C17orf99: variants seen among roughly 807,000 people sequenced by gnomAD.
The protein encoded by C17orf99 is protein IL-40.
C17orf99 carries 18 observed loss-of-function variants against 22.6 expected under a neutral mutation model. The observed-to-expected ratio is 0.80, with a 90% CI of 0.55 to 1.18. The LOEUF (loss-of-function observed/expected upper bound fraction) is 1.18. Among genes scored for constraint, C17orf99 ranks in the 50% most tolerant of loss-of-function variants. The pLI, the probability that C17orf99 is intolerant of heterozygous loss-of-function variation, is 0.00. For synonymous variants in C17orf99, 147 were observed against 136.6 expected, an observed-to-expected ratio of 1.08 and a Z score of -0.53; for missense variants, 328 against 342.7, an observed-to-expected ratio of 0.96 and a Z score of 0.34.
Position 78,166,161 on chromosome 17 carries a change from A to C in C17orf99, c.*115A>C. On this transcript the variant is annotated 3_prime_UTR_variant, in exon 5 of 5. Coordinates refer to ENST00000340363, the MANE Select transcript of C17orf99 (RefSeq NM_001163075.2). ...GTTTTAGCTGCTCTTGCCACAAAAA[A>C]AAAAAAAAAAAAAAAAGGGTAACTA... 2.8e-6 allele frequency: 1 copy of C among 358,058 alleles called. No individual in the cohort carries two copies. 22.2% of individuals were successfully genotyped at this position (358,058 alleles called of 1,614,324 possible).
Position 78,164,991 on chromosome 17 carries a change from C to G in C17orf99, c.640+627C>G, listed in dbSNP as rs1362926490. The G allele has an allele frequency of 2.7e-6, 3 of 1,100,518 alleles. No individual in the cohort carries two copies. The African/African-American group carries it at 5.1e-5, about 19-fold the overall frequency. The allele number at this position is 1,100,518 out of a possible 1,614,324, so 68.2% of individuals were successfully genotyped here. ...CTGAGCAGGGATTGCAGGGATGATG[C>G]CTCCAGGAGACCAAGGTGGACCAGG... On this transcript the variant is annotated intron_variant, in intron 4 of 4. Coordinates refer to ENST00000340363, the MANE Select transcript of C17orf99 (RefSeq NM_001163075.2).
intron 2 of C17orf99, chr17:78,158,213 G>A (rs754977374): frequency 6.2e-6 from 4 of 647,820 alleles, no homozygotes; most frequent in East Asian, 3.7e-5. Context: ...GGTGGCGGTG[G>A]TGGCAGCAGT....
At chr17:78,160,032 T>C (rs1013200186) in intron 2 of C17orf99, 2 of 455,886 alleles carry the variant, frequency 4.4e-6, no homozygotes, top group African/African-American at 2.0e-5. Flanking sequence ...TGAGCGTGTG[T>C]GTACAGGTAT....
chr17:78,146,482 G>A lies in C17orf99; in HGVS notation c.37+38G>A. 1 of 1,542,546 alleles carries A rather than the reference G, an allele frequency of 6.5e-7. No individual in the cohort carries two copies. Among genetic ancestry groups the A allele is most frequent in the Non-Finnish European group, 8.8e-7 (1 of 1,141,720 alleles). On this transcript the variant is annotated intron_variant, in intron 1 of 4. Transcript: ENST00000340363. The surrounding 1 kb of genome is among the most constrained non-coding windows in gnomAD (Gnocchi z 5.2). ...GGGACGTGATGGTGGGGCTGCTGCT[G>A]GGGCCTTGAGGTCTTGGGCTCAGGT...
upstream of C17orf99, chr17:78,146,329 C>A: frequency 7.3e-7 from 1 of 1,379,282 alleles, no homozygotes; most frequent in Non-Finnish European, 1.0e-6. This position sits in a 1 kb window ranked among gnomAD's most constrained non-coding sequence, Gnocchi z 5.2. Context: ...CAGGGAGCAT[C>A]CCAGGGGCCT....
intron 4 of C17orf99, chr17:78,165,402 G>A (rs2075610118): frequency 2.7e-5 from 27 of 985,402 alleles, no homozygotes; most frequent in Non-Finnish European, 3.1e-5. Context: ...TCACCTCGCC[G>A]AGCCTCAGTT....
At chr17:78,149,654 C>T (rs1442662088) in intron 2 of C17orf99, among the ~76,000 whole-genome samples, 2 of 152,172 alleles carry the variant, frequency 1.3e-5, no homozygotes, top group Non-Finnish European at 2.9e-5. Context: ...CTGCCCCAGC[C>T]TCCCAAGTAC....
In C17orf99 at chr17:78,147,254, CT is replaced by C. The variant is rs559842377; in HGVS notation, c.70+344del. On this transcript the variant is annotated intron_variant, in intron 2 of 4. Coordinates refer to ENST00000340363, the MANE Select transcript of C17orf99 (RefSeq NM_001163075.2). ...CCCTGATCGGGAGCAGAAGCCCCCC[CT>C]GAGACCCTCACAGCTCTGCCCGGTG... is the stretch of plus-strand genomic sequence containing the variant. Among the ~76,000 whole-genome samples, 493 of 152,336 alleles carry C rather than the reference CT, an allele frequency of 3.2e-3. 4 individuals are homozygous for C. The highest frequency in any genetic ancestry group is 0.011 in the African/African-American group (456 of 41,580).
chr17:78,155,487 C>A (rs72896293), intron 2 of C17orf99, among the ~76,000 whole-genome samples: 26,211 of 151,768 alleles, frequency 0.17, 2,744 homozygotes, highest in Non-Finnish European at 0.23. Context: ...TTTAATTTTT[C>A]TTTCGATTAA....
At chr17:78,157,768 G>A in intron 2 of C17orf99, 1 of 573,046 alleles carries the variant, frequency 1.7e-6, no homozygotes, top group Non-Finnish European at 2.8e-6. Flanking sequence ...CTGCACTCCA[G>A]CCTGGGCGAC....
rs1322599279 is a variant in C17orf99 at position 78,164,242 on chromosome 17, G to A, written c.518G>A (p.Arg173Lys). The change falls in exon 4 of 5, where the codon AGA becomes AAA. Residue 173 changes from arginine (R) to lysine (K), a missense_variant. By Grantham distance (26) the Arg-to-Lys change is conservative. Transcript: ENST00000340363. ...GKDGQVHLQQ[R>K]PCHRQPANFS... ...GATGGGCAGGTCCACCTGCAGCAGAGACCATGCCACAGGCAGCCTGCCAAC... is the reference window on the plus strand; with the variant it reads ...GATGGGCAGGTCCACCTGCAGCAGAAACCATGCCACAGGCAGCCTGCCAAC... The A allele has an allele frequency of 1.5e-5, 23 of 1,551,578 alleles. No individual in the cohort carries two copies. The highest frequency in any genetic ancestry group is 2.0e-5 in the Non-Finnish European group (23 of 1,147,010).
chr17:78,153,321 T>TA (rs2075499902), intron 2 of C17orf99, among the ~76,000 whole-genome samples: 1 of 151,774 alleles, frequency 6.6e-6, no homozygotes, highest in African/African-American at 2.4e-5. Context: ...CCAGCTCTAC[T>TA]AAAAATACAA....
At chr17:78,148,497 A>G (rs2075452863) in intron 2 of C17orf99, among the ~76,000 whole-genome samples, 1 of 152,104 alleles carries the variant, frequency 6.6e-6, no homozygotes, top group Non-Finnish European at 1.5e-5. Flanking sequence ...AGTGCACTTC[A>G]GCCTGGGTGG....
intron 2 of C17orf99, among the ~76,000 whole-genome samples, chr17:78,159,544 C>T (rs1174081227): frequency 6.7e-6 from 1 of 149,348 alleles, no homozygotes. Context: ...GAGGCTGAGG[C>T]ACGAGAATCT....
intron 2 of C17orf99, chr17:78,158,129 T>G (rs1280291126): frequency 1.2e-6 from 1 of 834,988 alleles, no homozygotes; most frequent in South Asian, 1.3e-5. Context: ...GAAGTACAGC[T>G]GTGGAGAAGA....
intron 2 of C17orf99, among the ~76,000 whole-genome samples, 153 bp downstream of exon 2, chr17:78,147,064 A>G (rs1354933718): frequency 1.4e-4 from 21 of 151,854 alleles, no homozygotes; most frequent in Admixed American, 1.2e-3. Context: ...CACTCTCTTC[A>G]CCCTGCAGGG....
At chr17:78,148,474 C>T (rs1398710813) in intron 2 of C17orf99, among the ~76,000 whole-genome samples, 3 of 151,926 alleles carry the variant, frequency 2.0e-5, no homozygotes, top group Admixed American at 1.3e-4. Flanking sequence ...TGCAGTGAAC[C>T]GTAATCATTA....
chr17:78,154,382 C>T (rs1175943863), intron 2 of C17orf99, among the ~76,000 whole-genome samples: 2 of 151,820 alleles, frequency 1.3e-5, no homozygotes, highest in Non-Finnish European at 2.9e-5. Context: ...AACCCCATCT[C>T]TACCAAAAAT....
Position 78,146,865 on chromosome 17 carries a change from T to C in C17orf99, c.38-14T>C, listed in dbSNP as rs2075441227. ...CACCAGGCCCTCTCCTTATCGCCCT[T>C]ACCTCTCTTACAGCTGCCAGCAGCT... On this transcript the variant is annotated splice_polypyrimidine_tract_variant and intron_variant, in intron 1 of 4. Transcript: ENST00000340363. This position sits in a 1 kb window ranked among gnomAD's most constrained non-coding sequence, Gnocchi z 5.2. 1 of 1,551,226 alleles carries C rather than the reference T, an allele frequency of 6.4e-7. No individual in the cohort carries two copies. The highest frequency in any genetic ancestry group is 8.7e-7 in the Non-Finnish European group (1 of 1,146,736).
Sources: allele counts gnomAD v4.1 joint callset (sites outside exome capture counted in the v4.1 genomes callset), GRCh38; gene constraint gnomAD v4.1.1; non-coding constraint Gnocchi (gnomAD v3.1); transcripts MANE v1.5; gene names NCBI Gene and HGNC (gene_info 2026-07-23, HGNC 2026-07-21).